Variants in ANTXR1 observed in about 807,000 individuals in gnomAD.
ANTXR1 encodes the protein anthrax toxin receptor 1.
ANTXR1 carries 19 observed loss-of-function variants against 78.1 expected under a neutral mutation model. The observed-to-expected ratio is 0.24, with a 90% CI of 0.17 to 0.36. The LOEUF (loss-of-function observed/expected upper bound fraction) is 0.36. Ranked by LOEUF, ANTXR1 falls within the 10% of genes least tolerant of loss-of-function variation. ANTXR1 has a pLI of 1.00. For missense variants in ANTXR1, 518 were observed against 718.6 expected (o/e 0.72, Z 3.19); for synonymous variants, 273 against 260.5 (o/e 1.05, Z -0.46).
At chr2:69,138,371 TAC>T (rs1672976062) in intron 12 of ANTXR1, among the ~76,000 whole-genome samples, 1 of 152,182 alleles carries the variant, frequency 6.6e-6, no homozygotes, top group Admixed American at 6.5e-5. Flanking sequence ...GTTGGCAGCT[TAC>T]AGTCATACTG....
At chr2:69,072,108 G>A (rs1178490427) in intron 5 of ANTXR1, among the ~76,000 whole-genome samples, 1 of 152,086 alleles carries the variant, frequency 6.6e-6, no homozygotes, top group Admixed American at 6.6e-5. Flanking sequence ...TAAAGTCTTG[G>A]ATTTTTATGT....
chr2:69,158,363 A>G (rs1192050687), intron 13 of ANTXR1, among the ~76,000 whole-genome samples: 1 of 152,160 alleles, frequency 6.6e-6, no homozygotes, highest in East Asian at 1.9e-4. Flanking sequence ...TTCAAAGTCC[A>G]GCTTGTTGTT....
At chr2:69,166,979 T>C (rs1673843629) in intron 13 of ANTXR1, among the ~76,000 whole-genome samples, 1 of 151,864 alleles carries the variant, frequency 6.6e-6, no homozygotes, top group Non-Finnish European at 1.5e-5. Context: ...CCAGGGGAGG[T>C]GCATTTACTG....
chr2:69,140,996 TG>T (rs1206917742), intron 12 of ANTXR1, among the ~76,000 whole-genome samples: 2 of 152,238 alleles, frequency 1.3e-5, no homozygotes, highest in African/African-American at 4.8e-5. Flanking sequence ...CCCTCATTTA[TG>T]GTTGATCAGC....
At chr2:69,134,921 A>C (rs1179247679) in intron 12 of ANTXR1, 2 of 295,416 alleles carry the variant, frequency 6.8e-6, no homozygotes, top group East Asian at 1.6e-4. Flanking sequence ...AGAGCCATAC[A>C]TAACTCAAGG....
rs139954971 is a variant in ANTXR1 at position 69,026,840 on chromosome 2, T to A, written c.152+13189T>A. Among the ~76,000 whole-genome samples, 16 of 152,334 alleles carry A rather than the reference T, an allele frequency of 1.1e-4. No homozygotes were observed. In the East Asian group the frequency reaches 3.1e-3, roughly 29 times the overall value. On this transcript the variant is annotated intron_variant, in intron 1 of 17. Coordinates refer to ENST00000303714, the MANE Select transcript of ANTXR1 (RefSeq NM_032208.3). ...TCCTTTCCCCTCTATCATCTAAAAC[T>A]GTCCCATCTCCCAAAAGAAAAAGCC...
intron 17 of ANTXR1, among the ~76,000 whole-genome samples, chr2:69,222,799 C>G (rs1197079915): frequency 1.3e-5 from 2 of 152,234 alleles, no homozygotes. Flanking sequence ...TGTTCTGAAG[C>G]TGTGAGACTC....
At chr2:69,157,262 GCTCTCTTTC>G (rs942541498) in intron 13 of ANTXR1, among the ~76,000 whole-genome samples, 2 of 151,800 alleles carry the variant, frequency 1.3e-5, no homozygotes, top group Non-Finnish European at 2.9e-5. Context: ...TCCCTCATGG[GCTCTCTTTC>G]CTCTGCTTGC....
At chr2:69,240,149 G>A (rs911632971) in intron 17 of ANTXR1, among the ~76,000 whole-genome samples, 10 of 152,178 alleles carry the variant, frequency 6.6e-5, no homozygotes, top group African/African-American at 2.4e-4. Flanking sequence ...AAACCTGCAG[G>A]GAAAAATCAG....
chr2:69,071,231 G>A (rs1670555378), intron 4 of ANTXR1, among the ~76,000 whole-genome samples: 1 of 152,152 alleles, frequency 6.6e-6, no homozygotes, highest in African/African-American at 2.4e-5. Flanking sequence ...AAAATGCCTT[G>A]TTAGCCAATT....
In ANTXR1 at chr2:69,245,298, C is replaced by A. The variant is rs775597169; in HGVS notation, c.1508C>A (p.Thr503Asn). The change falls in exon 18 of 18, where the codon ACC (threonine) becomes AAC (asparagine). Residue 503 changes from threonine (T) to asparagine (N), a missense_variant. Thr to Asn is a moderately conservative substitution (Grantham distance 65). Coordinates refer to ENST00000303714, the MANE Select transcript of ANTXR1 (RefSeq NM_032208.3). ...TACCCACTCAACAACGCCTACCACA[C>A]CTCCTCGCCGCCTCCTGCCCCCATC... ...AKYPLNNAYH[T>N]SSPPPAPIYT... 19 of 1,612,344 alleles carry A rather than the reference C, an allele frequency of 1.2e-5. No homozygotes were observed. The highest frequency in any genetic ancestry group is 1.7e-5 in the Admixed American group (1 of 59,856).
At chr2:69,132,692 G>A (rs1672787512) in intron 12 of ANTXR1, among the ~76,000 whole-genome samples, 2 of 152,208 alleles carry the variant, frequency 1.3e-5, no homozygotes, top group African/African-American at 4.8e-5. Context: ...GCTGTCTTTG[G>A]GACAGACAAT....
At chr2:69,215,038 C>T (rs1675141842) in intron 17 of ANTXR1, among the ~76,000 whole-genome samples, 1 of 152,194 alleles carries the variant, frequency 6.6e-6, no homozygotes, top group Non-Finnish European at 1.5e-5. Flanking sequence ...ATCTGGTCCA[C>T]AAGAAAGACT....
intron 17 of ANTXR1, among the ~76,000 whole-genome samples, chr2:69,197,345 A>G (rs1344782271): frequency 1.3e-5 from 2 of 152,186 alleles, no homozygotes; most frequent in African/African-American, 4.8e-5. Flanking sequence ...CAGACTTGCA[A>G]AAACTGTGGG....
At chr2:69,083,502 T>G (rs1670957151) in intron 8 of ANTXR1, among the ~76,000 whole-genome samples, 1 of 152,190 alleles carries the variant, frequency 6.6e-6, no homozygotes, top group Non-Finnish European at 1.5e-5. Context: ...TGGCACCAAT[T>G]TTTTGAAGCT....
intron 16 of ANTXR1, among the ~76,000 whole-genome samples, chr2:69,188,213 T>C (rs908621632): frequency 2.6e-5 from 4 of 152,024 alleles, no homozygotes; most frequent in African/African-American, 9.7e-5. Context: ...TTCAAGGGAT[T>C]CTCCTACCTC....
At chr2:69,141,985 C>A in intron 12 of ANTXR1, among the ~76,000 whole-genome samples, 1 of 152,316 alleles carries the variant, frequency 6.6e-6, no homozygotes, top group East Asian at 1.9e-4. Flanking sequence ...TTGTCCCATT[C>A]TTGGAGTAGT....
chr2:69,158,886 G>A (rs1215901922), intron 13 of ANTXR1, among the ~76,000 whole-genome samples: 2 of 152,170 alleles, frequency 1.3e-5, no homozygotes, highest in Admixed American at 1.3e-4. Flanking sequence ...ACATCGAGGA[G>A]AATCTGTACC....
intron 10 of ANTXR1, among the ~76,000 whole-genome samples, chr2:69,109,074 C>T (rs568496248): frequency 6.3e-4 from 96 of 152,236 alleles, no homozygotes; most frequent in Non-Finnish European, 1.1e-3. Flanking sequence ...GCGACTGTGA[C>T]GTCTTATTTA....
Sources: allele counts gnomAD v4.1 joint callset (sites outside exome capture counted in the v4.1 genomes callset), GRCh38; gene constraint gnomAD v4.1.1; transcripts MANE v1.5; gene names NCBI Gene and HGNC (gene_info 2026-07-23, HGNC 2026-07-21).